The following OTOGL variants were observed in gnomAD, a reference collection of about 807,000 sequenced individuals.
OTOGL encodes otogelin like, also known as otogelin-like protein.
In OTOGL, 285 loss-of-function variants were observed where a neutral mutation model predicts 318.5. The ratio of observed to expected loss-of-function variants is 0.89; its 90% CI spans 0.81 to 0.99. The LOEUF (loss-of-function observed/expected upper bound fraction) is 0.99. Ranked by LOEUF, OTOGL falls within the 50% of genes least tolerant of loss-of-function variation. The pLI, the probability that OTOGL is intolerant of heterozygous loss-of-function variation, is 0.00. For synonymous variants in OTOGL, 987 were observed against 936.5 expected (o/e 1.05, Z -0.99); for missense variants, 2,899 against 2,845.6 (o/e 1.02, Z -0.43).
intron 1 of OTOGL, among the ~76,000 whole-genome samples, chr12:80,145,325 G>A (rs915143022): frequency 7.9e-5 from 12 of 151,964 alleles, no homozygotes; most frequent in East Asian, 1.9e-4. Context: ...TCCTTTCCCC[G>A]TTGCTTGTTT....
At chr12:80,112,654 T>A (rs927508974) in intron 1 of OTOGL, among the ~76,000 whole-genome samples, 3 of 152,134 alleles carry the variant, frequency 2.0e-5, no homozygotes, top group Non-Finnish European at 4.4e-5. Flanking sequence ...GCCAGTATTT[T>A]ATTGAGGATT....
At chr12:80,358,524 C>A in intron 50 of OTOGL, 147 bp from the exon 51 acceptor site, 1 of 802,638 alleles carries the variant, frequency 1.2e-6, no homozygotes, top group Admixed American at 2.7e-5. Flanking sequence ...TTATCTTCAC[C>A]AACACATGGC....
intron 1 of OTOGL, among the ~76,000 whole-genome samples, chr12:80,171,049 G>A (rs924881779): frequency 3.9e-5 from 6 of 151,970 alleles, no homozygotes; most frequent in African/African-American, 1.5e-4. Flanking sequence ...GTATGTGTAT[G>A]TGTATAAACT....
intron 7 of OTOGL, among the ~76,000 whole-genome samples, chr12:80,227,884 C>T (rs1434896934): frequency 6.6e-6 from 1 of 152,122 alleles, no homozygotes; most frequent in Non-Finnish European, 1.5e-5. Context: ...GACCTTGACA[C>T]ATACCCTATC....
chr12:80,232,375 T>C (rs1024177465), intron 8 of OTOGL, among the ~76,000 whole-genome samples: 2 of 152,202 alleles, frequency 1.3e-5, no homozygotes, highest in East Asian at 1.9e-4. Context: ...ATTTTAAAGA[T>C]AGAAACTCAT....
At chr12:80,283,965 C>T (rs886402040) in intron 26 of OTOGL, among the ~76,000 whole-genome samples, 4 of 151,774 alleles carry the variant, frequency 2.6e-5, no homozygotes, top group African/African-American at 9.7e-5. Flanking sequence ...ACCCATCAAC[C>T]TGTCATCTAG....
chr12:80,158,513 A>G (rs1211148774), intron 1 of OTOGL, among the ~76,000 whole-genome samples: 2 of 152,056 alleles, frequency 1.3e-5, no homozygotes, highest in Non-Finnish European at 2.9e-5. Flanking sequence ...TAGGAGGTAA[A>G]GGCATTCTGA....
At chr12:80,141,107 C>T (rs1250514668) in intron 1 of OTOGL, among the ~76,000 whole-genome samples, 1 of 152,028 alleles carries the variant, frequency 6.6e-6, no homozygotes, top group Non-Finnish European at 1.5e-5. Context: ...TATTCTTGTA[C>T]CTTTATTTTT....
rs1388284046 is a variant in OTOGL, at chr12:80,370,579, A to AC, written c.6627dup (p.Trp2210LeufsTer9). On this transcript the variant is annotated frameshift_variant, in exon 56 of 59. Coordinates refer to ENST00000547103, the MANE Select transcript of OTOGL (RefSeq NM_001378609.3). LOFTEE classifies it high-confidence loss of function. The stretch of plus-strand genomic sequence containing the variant: ...TCTTTTTGATTTTTAGGTAGGGAGT[A>AC]CCTGGCACTACAATTGCACCACATA... 3 of 1,538,504 alleles carry AC rather than the reference A, an allele frequency of 1.9e-6. No homozygotes were observed. The highest frequency in any genetic ancestry group is 2.8e-5 in the African/African-American group (2 of 71,400).
At chr12:80,189,589 A>T in intron 1 of OTOGL, 6 of 572,408 alleles carry the variant, frequency 1.0e-5, no homozygotes, top group Non-Finnish European at 1.3e-5. Flanking sequence ...ACCAAAAGAG[A>T]TAGATTGCAA....
At chr12:80,326,227 A>G (rs541964617) in intron 35 of OTOGL, among the ~76,000 whole-genome samples, 2 of 152,150 alleles carry the variant, frequency 1.3e-5, no homozygotes, top group African/African-American at 4.8e-5. Context: ...TTTCTGGCAC[A>G]TAGCAAGTGT....
chr12:80,162,082 G>T (rs1873549860), intron 1 of OTOGL, among the ~76,000 whole-genome samples: 1 of 152,096 alleles, frequency 6.6e-6, no homozygotes, highest in African/African-American at 2.4e-5. Context: ...TGAATACACA[G>T]TTATGAAAAG....
chr12:80,358,355 T>G lies in OTOGL; in HGVS notation c.6121+6T>G, dbSNP rs1365764912. 2 of 1,563,108 alleles carry G rather than the reference T, an allele frequency of 1.3e-6. No homozygotes were observed. The highest frequency in any genetic ancestry group is 1.8e-6 in the Non-Finnish European group (2 of 1,139,320). ...TTGTCCTCAGTATTACTGTGGTAAG[T>G]GTATATTAACTATTCTAAAATATTT... On this transcript the variant is annotated splice_donor_region_variant and intron_variant, in intron 50 of 58. Coordinates refer to ENST00000547103, the MANE Select transcript of OTOGL (RefSeq NM_001378609.3).
chr12:80,254,950 A>G (rs1881895964), intron 15 of OTOGL, 90 bp from the exon 16 acceptor site: 1 of 1,089,576 alleles, frequency 9.2e-7, no homozygotes, highest in East Asian at 2.9e-5. Flanking sequence ...CTGCTTTTAA[A>G]GGATTAACCT....
chr12:80,352,827 C>G (rs10778728), intron 45 of OTOGL, among the ~76,000 whole-genome samples: 98,039 of 152,116 alleles, frequency 0.64, 31,680 homozygotes, highest in East Asian at 0.77. Flanking sequence ...CATTCATTGA[C>G]AATCCACAAG....
Position 80,342,096 on chromosome 12 carries a change from T to C in OTOGL, c.5199T>C (p.Thr1733=). The change falls in exon 44 of 59, where the codon ACT becomes ACC. Residue 1733 remains threonine (T), a synonymous_variant. Coordinates refer to ENST00000547103, the MANE Select transcript of OTOGL (RefSeq NM_001378609.3). ...VTMRRPVRNC[T]EHDCSQCIDL... is the part of the protein sequence containing the mutation. ...TGAGAAGACCTGTTAGGAATTGTAC[T>C]GAGCATGATTGCAGCCAGTGCATTG... The C allele has an allele frequency of 6.2e-7, 1 of 1,605,878 alleles. No individual in the cohort carries two copies. Among genetic ancestry groups the C allele is most frequent in the Non-Finnish European group, 8.5e-7 (1 of 1,175,560 alleles).
At chr12:80,200,374 A>T (rs571192685) in intron 1 of OTOGL, among the ~76,000 whole-genome samples, 2 of 152,202 alleles carry the variant, frequency 1.3e-5, no homozygotes, top group Non-Finnish European at 2.9e-5. Context: ...TTAATGTTCC[A>T]CTTTTCTCTA....
At chr12:80,129,046 C>G (rs1226013843) in intron 1 of OTOGL, among the ~76,000 whole-genome samples, 2 of 152,160 alleles carry the variant, frequency 1.3e-5, no homozygotes, top group East Asian at 3.9e-4. Flanking sequence ...CACCCACTGT[C>G]CTGCACCCAC....
At chr12:80,208,267 G>A (rs1328980096) in intron 1 of OTOGL, 4 of 510,514 alleles carry the variant, frequency 7.8e-6, no homozygotes, top group Non-Finnish European at 1.6e-5. Flanking sequence ...ACACAAACAG[G>A]AAACTGTTTA....
Sources: allele counts gnomAD v4.1 joint callset (sites outside exome capture counted in the v4.1 genomes callset), GRCh38; gene constraint gnomAD v4.1.1; transcripts MANE v1.5; gene names NCBI Gene and HGNC (gene_info 2026-07-23, HGNC 2026-07-21).